ZNF804B: variants seen among roughly 807,000 people sequenced by gnomAD.
ZNF804B encodes zinc finger 804B.
ZNF804B carries 80 observed loss-of-function variants against 101.4 expected under a neutral mutation model. That is an observed-to-expected ratio of 0.79 (90% CI 0.66 to 0.95). The LOEUF (loss-of-function observed/expected upper bound fraction) is 0.95, where lower values mean the gene tolerates loss of function less well. Among genes scored for constraint, ZNF804B ranks in the 40% least tolerant of loss-of-function variants. The pLI is 0.00. For missense variants in ZNF804B, 1,673 were observed against 1,561.9 expected (o/e 1.07, Z -1.20); for synonymous variants, 622 against 558.8 (o/e 1.11, Z -1.59).
At chr7:89,192,551 A>G (rs1209722682) in intron 1 of ZNF804B, among the ~76,000 whole-genome samples, 3 of 152,014 alleles carry the variant, frequency 2.0e-5, no homozygotes, top group African/African-American at 7.2e-5. Context: ...ACCTATAGCG[A>G]CTTATTGTTT....
At chr7:88,774,450 T>C (rs966389925) in intron 1 of ZNF804B, among the ~76,000 whole-genome samples, 14 of 152,238 alleles carry the variant, frequency 9.2e-5, no homozygotes, top group East Asian at 7.7e-4. Flanking sequence ...CTCTTTTTCA[T>C]TGGGTATCTG....
intron 2 of ZNF804B, among the ~76,000 whole-genome samples, chr7:89,277,459 C>T (rs1790002387): frequency 1.1e-5 from 1 of 91,250 alleles, no homozygotes; most frequent in Non-Finnish European, 2.1e-5. Context: ...GGTATATCTC[C>T]CAATGCTATC....
rs62462050 is a variant in ZNF804B, at chr7:88,834,054, T to C, written c.108+73970T>C. Among the ~76,000 whole-genome samples, 480 of 151,908 alleles carry C rather than the reference T, an allele frequency of 3.2e-3. 1 individual carries two copies. Among genetic ancestry groups the C allele is most frequent in the Middle Eastern group, 0.01 (3 of 294 alleles). ...GGAATTTAAATGCATTCTAGTGAAC[T>C]CCAAGCAGATTAGCCTGTATTTGAA... On this transcript the variant is annotated intron_variant, in intron 1 of 3. Coordinates refer to ENST00000333190, the MANE Select transcript of ZNF804B (RefSeq NM_181646.5).
chr7:89,096,248 CTG>C (rs1733596584), intron 1 of ZNF804B, among the ~76,000 whole-genome samples: 1 of 151,752 alleles, frequency 6.6e-6, no homozygotes, highest in African/African-American at 2.4e-5. Flanking sequence ...AAACTGAACA[CTG>C]TGATGATGCA....
intron 1 of ZNF804B, among the ~76,000 whole-genome samples, chr7:88,781,024 A>G (rs946062045): frequency 6.6e-6 from 1 of 152,188 alleles, no homozygotes; most frequent in African/African-American, 2.4e-5. Context: ...ACATGTAGTT[A>G]AGCAACACAT....
chr7:88,805,829 T>A (rs1790677137), intron 1 of ZNF804B, among the ~76,000 whole-genome samples: 1 of 152,174 alleles, frequency 6.6e-6, no homozygotes, highest in East Asian at 1.9e-4. Context: ...GACAAGTACC[T>A]CTTAACTACA....
intron 1 of ZNF804B, among the ~76,000 whole-genome samples, chr7:88,988,470 C>T (rs763329046): frequency 1.1e-4 from 16 of 152,092 alleles, no homozygotes; most frequent in African/African-American, 3.9e-4. Flanking sequence ...ATCATGCATT[C>T]ACTGACGTAT....
intron 1 of ZNF804B, among the ~76,000 whole-genome samples, chr7:89,159,193 A>C (rs1791021226): frequency 6.6e-6 from 1 of 152,164 alleles, no homozygotes; most frequent in Admixed American, 6.6e-5. Flanking sequence ...AAGATGAACT[A>C]ATTAGTTATT....
intron 1 of ZNF804B, among the ~76,000 whole-genome samples, chr7:88,961,886 C>G (rs775328429): frequency 6.6e-6 from 1 of 151,322 alleles, no homozygotes; most frequent in Non-Finnish European, 1.5e-5. Flanking sequence ...TGAGACATAT[C>G]TCCTATGAAA....
chr7:89,183,358 T>G (rs1039252529), intron 1 of ZNF804B, among the ~76,000 whole-genome samples: 1 of 152,048 alleles, frequency 6.6e-6, no homozygotes, highest in African/African-American at 2.4e-5. Flanking sequence ...ATTCATTTTA[T>G]GGTAATTATA....
intron 2 of ZNF804B, among the ~76,000 whole-genome samples, chr7:89,255,559 A>C (rs1330574454): frequency 6.6e-6 from 1 of 152,198 alleles, no homozygotes; most frequent in Non-Finnish European, 1.5e-5. Flanking sequence ...ATAGTCATCT[A>C]TTTGAACAAT....
intron 1 of ZNF804B, among the ~76,000 whole-genome samples, chr7:89,006,403 A>C (rs1000627325): frequency 3.3e-5 from 5 of 152,136 alleles, no homozygotes; most frequent in Non-Finnish European, 7.4e-5. Context: ...TCACAATTGT[A>C]AAGGCATTCA....
rs1014370942 is a variant in ZNF804B at position 89,212,276 on chromosome 7, CACACACACACACAA to C, written c.109-5875_109-5862del. ...ATACACACACACACACACACACACA[CACACACACACACAA>C]ACAGACTGCAGAACATCCAAACATT... On this transcript the variant is annotated intron_variant, in intron 1 of 3. Coordinates refer to ENST00000333190, the MANE Select transcript of ZNF804B (RefSeq NM_181646.5). Among the ~76,000 whole-genome samples, 116 of 138,800 alleles carry C rather than the reference CACACACACACACAA, an allele frequency of 8.4e-4. 3 individuals carry two copies. In the South Asian group the frequency reaches 0.025, roughly 30 times the overall value. The allele number at this position is 138,800 out of a possible 152,430, so 91.1% of individuals were successfully genotyped here.
chr7:89,225,587 T>G (rs924080622), intron 2 of ZNF804B, among the ~76,000 whole-genome samples: 1 of 152,108 alleles, frequency 6.6e-6, no homozygotes, highest in Non-Finnish European at 1.5e-5. Context: ...TTTCACTCTG[T>G]CCTATGTCAA....
chr7:89,050,152 G>C (rs533175068), intron 1 of ZNF804B, among the ~76,000 whole-genome samples: 1 of 151,834 alleles, frequency 6.6e-6, no homozygotes, highest in African/African-American at 2.4e-5. Context: ...ATCGTATTTC[G>C]GAAGATAAAG....
At chr7:89,246,880 A>G (rs529976310) in intron 2 of ZNF804B, among the ~76,000 whole-genome samples, 2 of 152,164 alleles carry the variant, frequency 1.3e-5, no homozygotes, top group Non-Finnish European at 2.9e-5. Context: ...CTTCCTGTGC[A>G]GAGATCTGTA....
intron 1 of ZNF804B, among the ~76,000 whole-genome samples, chr7:89,063,270 C>A (rs536413821): frequency 6.6e-6 from 1 of 152,214 alleles, no homozygotes; most frequent in African/African-American, 2.4e-5. Context: ...GGACCTATTG[C>A]ATGTCTGATG....
intron 1 of ZNF804B, among the ~76,000 whole-genome samples, chr7:89,012,950 TAAC>T (rs1788487233): frequency 2.0e-5 from 3 of 152,114 alleles, no homozygotes; most frequent in Admixed American, 2.0e-4. Context: ...TCAGGAAACT[TAAC>T]AATCATGGCA....
chr7:89,258,014 T>C (rs577991360), intron 2 of ZNF804B, among the ~76,000 whole-genome samples: 1 of 152,230 alleles, frequency 6.6e-6, no homozygotes, highest in East Asian at 1.9e-4. Flanking sequence ...TGATTGGCCC[T>C]TCATATTCAT....
Sources: gnomAD v4.1 joint callset for allele counts (sites outside exome capture counted in the v4.1 genomes callset) on GRCh38, gnomAD v4.1.1 for gene constraint, MANE v1.5 for transcripts, NCBI Gene and HGNC (gene_info 2026-07-23, HGNC 2026-07-21) for gene names.